PATJ: variants seen among roughly 807,000 people sequenced by gnomAD.
PATJ encodes inaD-like protein.
In PATJ, 190 loss-of-function variants were observed where a neutral mutation model predicts 224.9. That is an observed-to-expected ratio of 0.84 (90% CI 0.75 to 0.95). PATJ has a LOEUF of 0.95. Ranked by LOEUF, PATJ falls within the 40% of genes least tolerant of loss-of-function variation. The pLI is 0.00. For missense variants in PATJ, 2,121 were observed against 2,270.3 expected (o/e 0.93, Z 1.34); for synonymous variants, 769 against 820.3 (o/e 0.94, Z 1.07).
At chr1:61,937,137 T>C (rs947821578) in intron 27 of PATJ, among the ~76,000 whole-genome samples, 1 of 151,868 alleles carries the variant, frequency 6.6e-6, no homozygotes, top group Admixed American at 6.6e-5. Flanking sequence ...TGCACACACA[T>C]ATACACACAA....
At chr1:62,059,631 T>C (rs950516706) in intron 31 of PATJ, among the ~76,000 whole-genome samples, 1 of 151,500 alleles carries the variant, frequency 6.6e-6, no homozygotes, top group Non-Finnish European at 1.5e-5. Flanking sequence ...AAAAAAAGAA[T>C]TGGTTAGATA....
At chr1:62,035,273 A>G (rs759189249) in intron 29 of PATJ, among the ~76,000 whole-genome samples, 1 of 152,204 alleles carries the variant, frequency 6.6e-6, no homozygotes, top group Non-Finnish European at 1.5e-5. Context: ...TTGATACGCT[A>G]TGTCACTTTA....
rs554920535 is a variant in PATJ at position 62,049,350 on chromosome 1, T to G, written c.4033-1616T>G. On this transcript the variant is annotated intron_variant, in intron 30 of 43. Coordinates refer to ENST00000642238, the MANE Select transcript of PATJ (RefSeq NM_001350145.3). ...TCAGTGATGTATAAAAATTCCTTTCTCCCTGACATTACCAATATTGAATGT... is the reference window on the plus strand; with the variant it reads ...TCAGTGATGTATAAAAATTCCTTTCGCCCTGACATTACCAATATTGAATGT... 2.0e-5 allele frequency among the ~76,000 whole-genome samples: 3 copies of G among 152,080 alleles called. No homozygotes were observed. The South Asian group carries it at 6.2e-4, about 32-fold the overall frequency.
At chr1:62,098,502 T>G (rs984860876) in intron 33 of PATJ, among the ~76,000 whole-genome samples, 1 of 151,796 alleles carries the variant, frequency 6.6e-6, no homozygotes, top group Non-Finnish European at 1.5e-5. Context: ...GGCTGAGACA[T>G]GAGAATCACT....
chr1:61,924,814 C>T (rs1674864815), intron 26 of PATJ, among the ~76,000 whole-genome samples: 1 of 152,186 alleles, frequency 6.6e-6, no homozygotes, highest in Non-Finnish European at 1.5e-5. Context: ...TGTCCTGCAG[C>T]TATAGCCATA....
At position 61,831,664 on chromosome 1, in the gene PATJ, A is replaced by T. The variant is rs190899516; in HGVS notation, c.1981-1990A>T. The stretch of plus-strand genomic sequence containing the variant: ...CATACCAGTCACAATGGCCATTATT[A>T]AAAAGTTAAAAAATAACAGATGCTG... On this transcript the variant is annotated intron_variant, in intron 16 of 43. Coordinates refer to ENST00000642238, the MANE Select transcript of PATJ (RefSeq NM_001350145.3). Among the ~76,000 whole-genome samples the T allele has an allele frequency of 3.6e-3, 542 of 152,328 alleles. 6 individuals carry two copies. Among genetic ancestry groups the T allele is most frequent in the African/African-American group, 0.013 (521 of 41,574 alleles).
intron 37 of PATJ, chr1:62,120,905 A>AAATGGTTTGATTTTATGTG (rs1468497943): frequency 2.8e-6 from 1 of 351,428 alleles, no homozygotes. Flanking sequence ...TGGAGCAAGA[A>AAATGGTTTGATTTTATGTG]CAGCTGAAAT....
At chr1:61,900,081 A>G (rs1174707330) in intron 23 of PATJ, among the ~76,000 whole-genome samples, 1 of 152,208 alleles carries the variant, frequency 6.6e-6, no homozygotes, top group Non-Finnish European at 1.5e-5. Context: ...GAATGTGTTG[A>G]AAACCCATCT....
At chr1:62,120,769 C>G (rs1344745357) in intron 37 of PATJ, 1 of 159,660 alleles carries the variant, frequency 6.3e-6, no homozygotes, top group East Asian at 1.8e-4. Flanking sequence ...CTTGTTTTAG[C>G]AAAATACATA....
At position 61,771,319 on chromosome 1, in the gene PATJ, T is replaced by C. The variant is rs1646594715; in HGVS notation, c.525-112T>C. 3.7e-6 allele frequency: 2 copies of C among 539,428 alleles called. 1 individual carries two copies. The allele number at this position is 539,428 out of a possible 1,614,324, so 33.4% of individuals were successfully genotyped here. On this transcript the variant is annotated intron_variant, in intron 5 of 43. Transcript: ENST00000642238. ...TTATATAATTAAATAATTTATTTGA[T>C]AAATGTACTAAGTAAAGTAGTACCA... is the stretch of plus-strand genomic sequence containing the variant.
At chr1:62,043,084 G>A (rs534500039) in intron 30 of PATJ, among the ~76,000 whole-genome samples, 1 of 152,164 alleles carries the variant, frequency 6.6e-6, no homozygotes, top group Non-Finnish European at 1.5e-5. Context: ...GACTATGTGG[G>A]TTTTGGTTTT....
chr1:62,144,560 C>G (rs79482456), intron 41 of PATJ, among the ~76,000 whole-genome samples: 63 of 151,982 alleles, frequency 4.1e-4, no homozygotes, highest in African/African-American at 1.4e-3. Flanking sequence ...GAAAGTATCT[C>G]TGGTAACTAG....
At chr1:61,974,179 C>T (rs1277942123) in intron 27 of PATJ, among the ~76,000 whole-genome samples, 2 of 151,756 alleles carry the variant, frequency 1.3e-5, no homozygotes, top group South Asian at 2.1e-4. Context: ...AAGGACATGT[C>T]GAGCAAAACT....
At position 62,084,546 on chromosome 1, in the gene PATJ, CG is replaced by C. The variant is rs1358760798; in HGVS notation, c.4276del (p.Ala1426GlnfsTer11). 2 of 1,612,954 alleles carry C rather than the reference CG, an allele frequency of 1.2e-6. No individual in the cohort carries two copies. The highest frequency in any genetic ancestry group is 1.7e-6 in the Non-Finnish European group (2 of 1,179,672). On this transcript the variant is annotated frameshift_variant, in exon 33 of 44. Transcript: ENST00000642238. LOFTEE classifies it high-confidence loss of function. ...GFQAPLSVDP[A>X]TCPIVPGQEM... The stretch of plus-strand genomic sequence containing the variant: ...TCCAGGCTCCTCTGTCAGTGGACCC[CG>C]CAACGTGTCCCATTGTCCCTGGACA...
chr1:61,910,363 G>T (rs1409842463), intron 25 of PATJ, among the ~76,000 whole-genome samples: 1 of 152,060 alleles, frequency 6.6e-6, no homozygotes, highest in African/African-American at 2.4e-5. Flanking sequence ...ACCATGCCAT[G>T]CTCAAGTTAC....
At chr1:61,797,186 T>G in intron 10 of PATJ, 101 bp from the exon 11 acceptor site, 2 of 1,343,662 alleles carry the variant, frequency 1.5e-6, no homozygotes, top group Non-Finnish European at 2.1e-6. Context: ...AATAATTTAT[T>G]TTTGGAATGA....
intron 34 of PATJ, among the ~76,000 whole-genome samples, chr1:62,110,821 C>T (rs557915015): frequency 3.3e-5 from 5 of 152,278 alleles, no homozygotes; most frequent in African/African-American, 9.6e-5. Flanking sequence ...GGTAGTCTCC[C>T]TTTGACTACT....
intron 31 of PATJ, among the ~76,000 whole-genome samples, chr1:62,064,329 T>G (rs77560017): frequency 7.4e-6 from 1 of 134,668 alleles, no homozygotes; most frequent in Non-Finnish European, 1.6e-5. Flanking sequence ...CCATAATGCT[T>G]TTTTTTTTTT....
At chr1:61,981,343 A>G (rs937022255) in intron 27 of PATJ, among the ~76,000 whole-genome samples, 1 of 151,976 alleles carries the variant, frequency 6.6e-6, no homozygotes, top group African/African-American at 2.4e-5. Context: ...TCAGAATCTC[A>G]GCTAGTGGGT....
Sources: allele counts gnomAD v4.1 joint callset (sites outside exome capture counted in the v4.1 genomes callset), GRCh38; gene constraint gnomAD v4.1.1; transcripts MANE v1.5; gene names NCBI Gene and HGNC (gene_info 2026-07-23, HGNC 2026-07-21).